Variants in ZNF521 observed in about 807,000 individuals in gnomAD.
ZNF521 encodes LYST-interacting protein 3.
In ZNF521, 14 loss-of-function variants were observed where a neutral mutation model predicts 105.5. The ratio of observed to expected loss-of-function variants is 0.13; its 90% CI spans 0.09 to 0.21. The LOEUF (loss-of-function observed/expected upper bound fraction) is 0.21. ZNF521 is among the 10% of genes least tolerant of loss of function. ZNF521 has a pLI of 1.00. For missense variants in ZNF521, 1,233 were observed against 1,629.7 expected, an observed-to-expected ratio of 0.76 and a Z score of 4.19; for synonymous variants, 635 against 606.0, an observed-to-expected ratio of 1.05 and a Z score of -0.70.
intron 7 of ZNF521, among the ~76,000 whole-genome samples, chr18:25,064,509 T>C (rs566251894): frequency 3.3e-5 from 5 of 152,300 alleles, no homozygotes; most frequent in Admixed American, 2.6e-4. Flanking sequence ...TCACGAGACA[T>C]GAAGATGGAG....
chr18:25,261,753 C>T (rs1055819938), intron 3 of ZNF521, among the ~76,000 whole-genome samples: 12 of 152,000 alleles, frequency 7.9e-5, no homozygotes, highest in Non-Finnish European at 1.8e-4. Context: ...CCAGATGGAA[C>T]TCTATTAAGC....
At chr18:25,137,375 G>C (rs939130953) in intron 5 of ZNF521, among the ~76,000 whole-genome samples, 1 of 152,142 alleles carries the variant, frequency 6.6e-6, no homozygotes, top group Non-Finnish European at 1.5e-5. Flanking sequence ...TTAGAACTGG[G>C]ATATTTGGAA....
In ZNF521 at chr18:25,117,240, T is replaced by C. The variant is rs187864088; in HGVS notation, c.3659-25159A>G. Among the ~76,000 whole-genome samples the C allele has an allele frequency of 3.3e-3, 497 of 151,834 alleles. 4 individuals carry two copies. The highest frequency in any genetic ancestry group is 0.011 in the African/African-American group (475 of 41,406). On this transcript the variant is annotated intron_variant, in intron 5 of 7. Coordinates refer to ENST00000361524, the MANE Select transcript of ZNF521 (RefSeq NM_015461.3). ...TGTTTTCCCTCACTCTCTCTCTCTGTATAAATAGAGAGAGTGCTGACATTT... is the reference window on the plus strand; with the variant it reads ...TGTTTTCCCTCACTCTCTCTCTCTGCATAAATAGAGAGAGTGCTGACATTT...
rs2036049074 is a variant in ZNF521, at chr18:25,204,701, CTG to C, written c.3574-9459_3574-9458del. ...TGTCTCACATTAAACACTGAAAAAACTGTGCCCAAGTTTCCCATGGAGAGAGA... is the reference window on the plus strand; with the variant it reads ...TGTCTCACATTAAACACTGAAAAAACTGCCCAAGTTTCCCATGGAGAGAGA... On this transcript the variant is annotated intron_variant, in intron 4 of 7. Coordinates refer to ENST00000361524, the MANE Select transcript of ZNF521 (RefSeq NM_015461.3). Among the ~76,000 whole-genome samples, 4 of 152,098 alleles carry C rather than the reference CTG, an allele frequency of 2.6e-5. No homozygotes were observed. In the South Asian group the frequency reaches 8.3e-4, roughly 32 times the overall value.
intron 3 of ZNF521, among the ~76,000 whole-genome samples, chr18:25,288,371 T>A (rs1448973188): frequency 1.3e-5 from 2 of 152,194 alleles, no homozygotes; most frequent in African/African-American, 4.8e-5. Flanking sequence ...ATTTTCCTCA[T>A]CTTCCCCAGC....
chr18:25,084,398 T>C (rs1257527022), intron 7 of ZNF521, among the ~76,000 whole-genome samples: 4 of 150,940 alleles, frequency 2.7e-5, no homozygotes. Flanking sequence ...CAAGCACCAG[T>C]TAAACTGTGG....
chr18:25,073,867 T>C (rs1260543107), intron 7 of ZNF521, among the ~76,000 whole-genome samples: 8 of 142,542 alleles, frequency 5.6e-5, no homozygotes, highest in Admixed American at 4.2e-4. Flanking sequence ...TCATTAAGAA[T>C]AACAGAAAAA....
chr18:25,178,444 C>T (rs2035571598), intron 5 of ZNF521, among the ~76,000 whole-genome samples: 1 of 152,196 alleles, frequency 6.6e-6, no homozygotes, highest in African/African-American at 2.4e-5. Flanking sequence ...CCACTTGCTA[C>T]TTTGCAGAGA....
intron 3 of ZNF521, among the ~76,000 whole-genome samples, chr18:25,305,246 C>A (rs997699394): frequency 2.0e-5 from 3 of 152,108 alleles, no homozygotes; most frequent in Non-Finnish European, 4.4e-5. Flanking sequence ...AATGAGGTAT[C>A]AATATTTTTC....
Position 25,225,384 on chromosome 18 carries a change from T to C in ZNF521, c.2534A>G (p.Asn845Ser). The change falls in exon 4 of 8, where the codon AAT (asparagine) becomes AGT (serine). Residue 845 changes from asparagine to serine, a missense_variant. Asn to Ser is a conservative substitution (Grantham distance 46). Transcript: ENST00000361524. This position sits in a 1 kb window ranked among gnomAD's most constrained non-coding sequence, Gnocchi z 5.6. Reference sequence around the variant, plus strand: ...TTTCTGCACTTGCTCGGAAGCTCCATTTGTTCCACAGTTGGGTGTCTTGGT... The same window carrying C: ...TTTCTGCACTTGCTCGGAAGCTCCACTTGTTCCACAGTTGGGTGTCTTGGT... ...FETKTPNCGT[N>S]GASEQVQKEE... is the part of the protein sequence containing the mutation. 2 of 1,614,188 alleles carry C rather than the reference T, an allele frequency of 1.2e-6. No individual in the cohort carries two copies. Among genetic ancestry groups the C allele is most frequent in the Non-Finnish European group, 1.7e-6 (2 of 1,180,016 alleles).
intron 4 of ZNF521, among the ~76,000 whole-genome samples, chr18:25,218,052 T>C (rs932167430): frequency 1.3e-5 from 2 of 151,990 alleles, no homozygotes; most frequent in African/African-American, 4.8e-5. Context: ...CTTCCAATTA[T>C]AGAACAAGGA....
At chr18:25,307,521 G>A (rs780483360) in intron 3 of ZNF521, among the ~76,000 whole-genome samples, 3 of 152,134 alleles carry the variant, frequency 2.0e-5, no homozygotes, top group Non-Finnish European at 4.4e-5. Context: ...TCAAATTTAA[G>A]CTCTTGGCAT....
intron 5 of ZNF521, among the ~76,000 whole-genome samples, chr18:25,130,384 C>T (rs1300901686): frequency 6.6e-6 from 1 of 152,052 alleles, no homozygotes; most frequent in African/African-American, 2.4e-5. Flanking sequence ...ATTTTTTGGG[C>T]AGTGAAACTA....
chr18:25,336,170 C>T (rs1913870965), intron 2 of ZNF521, among the ~76,000 whole-genome samples: 1 of 152,174 alleles, frequency 6.6e-6, no homozygotes, highest in East Asian at 1.9e-4. Context: ...ATTCTCCTTC[C>T]ACATTCAATC....
At chr18:25,296,511 G>T (rs932059635) in intron 3 of ZNF521, among the ~76,000 whole-genome samples, 1 of 152,164 alleles carries the variant, frequency 6.6e-6, no homozygotes, top group Admixed American at 6.5e-5. Flanking sequence ...TGACAGTCTT[G>T]AGATTTTAAC....
chr18:25,196,962 A>G (rs1479490073), intron 4 of ZNF521, among the ~76,000 whole-genome samples: 1 of 151,834 alleles, frequency 6.6e-6, no homozygotes, highest in Non-Finnish European at 1.5e-5. Context: ...CAATATGTCG[A>G]AAACTGTCTC....
intron 3 of ZNF521, among the ~76,000 whole-genome samples, chr18:25,267,271 C>T (rs1280730368): frequency 1.3e-5 from 2 of 152,206 alleles, no homozygotes; most frequent in Admixed American, 6.5e-5. Context: ...AAGTCAGCAG[C>T]CCCAGTCAGC....
rs148931373 is a variant in ZNF521, at chr18:25,319,685, T to C, written c.220+2323A>G. ...ATCAAAGTTATCTTCCCACAAATTA[T>C]TAACCATATACAAAGAGAAAATGGT... On this transcript the variant is annotated intron_variant, in intron 3 of 7. Coordinates refer to ENST00000361524, the MANE Select transcript of ZNF521 (RefSeq NM_015461.3). Among the ~76,000 whole-genome samples the C allele has an allele frequency of 5.8e-3, 883 of 152,274 alleles. 12 individuals carry two copies. The highest frequency in any genetic ancestry group is 0.019 in the African/African-American group (785 of 41,550).
At chr18:25,106,998 C>T (rs1488734669) in intron 5 of ZNF521, among the ~76,000 whole-genome samples, 2 of 152,186 alleles carry the variant, frequency 1.3e-5, no homozygotes, top group African/African-American at 2.4e-5. Context: ...GAAATCAGCA[C>T]AGGCATCATC....
Sources: gnomAD v4.1 joint callset for allele counts (sites outside exome capture counted in the v4.1 genomes callset) on GRCh38, gnomAD v4.1.1 for gene constraint, Gnocchi (gnomAD v3.1) non-coding constraint, MANE v1.5 for transcripts, NCBI Gene and HGNC (gene_info 2026-07-23, HGNC 2026-07-21) for gene names.